The following FOLH1 variants were observed in gnomAD, a reference collection of about 807,000 sequenced individuals.
The protein encoded by FOLH1 is folate hydrolase 1.
A neutral mutation model predicts 93.9 loss-of-function variants in FOLH1; 54 were observed. That is an observed-to-expected ratio of 0.57 (90% CI 0.46 to 0.72). The LOEUF (loss-of-function observed/expected upper bound fraction) is 0.72. Ranked by LOEUF, FOLH1 falls within the 30% of genes least tolerant of loss-of-function variation. FOLH1 has a pLI of 0.00. For missense variants in FOLH1, 571 were observed against 892.5 expected, an observed-to-expected ratio of 0.64 and a Z score of 4.59; for synonymous variants, 249 against 303.6, an observed-to-expected ratio of 0.82 and a Z score of 1.87.
At chr11:49,198,811 G>T in intron 3 of FOLH1, among the ~76,000 whole-genome samples, 1 of 142,434 alleles carries the variant, frequency 7.0e-6, no homozygotes, top group Non-Finnish European at 1.5e-5. Flanking sequence ...GTGGAGTCTT[G>T]CTATGTTGTT....
chr11:49,162,539 C>T (rs1027597622), intron 13 of FOLH1, among the ~76,000 whole-genome samples: 1 of 152,182 alleles, frequency 6.6e-6, no homozygotes, highest in Non-Finnish European at 1.5e-5. Context: ...ACAACACGCT[C>T]CTTTACCTCA....
At position 49,186,855 on chromosome 11, in the gene FOLH1, G is replaced by A. The variant is rs1861443936; in HGVS notation, c.514-86C>T. On this transcript the variant is annotated intron_variant, in intron 4 of 18. Transcript: ENST00000256999. The stretch of plus-strand genomic sequence containing the variant: ...TGGGGACTGTTGGACATTTTTGAAA[G>A]AGGGAAGAGGTCAGAGCACACAGGA... The A allele has an allele frequency of 2.1e-6, 3 of 1,444,504 alleles. No individual in the cohort carries two copies. In the East Asian group the frequency reaches 7.3e-5, roughly 35 times the overall value. The allele number at this position is 1,444,504 out of a possible 1,614,324, so 89.5% of individuals were successfully genotyped here.
chr11:49,145,449 C>A lies in FOLH1; in HGVS notation c.*1307G>T, dbSNP rs537435357. On this transcript the variant is annotated 3_prime_UTR_variant, in exon 19 of 19. Coordinates refer to ENST00000256999, the MANE Select transcript of FOLH1 (RefSeq NM_004476.3). ...GTTCATGGTGGCCAGGAGAACCCAG[C>A]GGCCAAGAGCTTCTCCTGAAATTGT... Among the ~76,000 whole-genome samples the A allele has an allele frequency of 6.6e-6, 1 of 152,150 alleles. No individual in the cohort carries two copies. Among genetic ancestry groups the A allele is most frequent in the Admixed American group, 6.6e-5 (1 of 15,256 alleles).
At chr11:49,159,354 T>C (rs891505869) in intron 13 of FOLH1, among the ~76,000 whole-genome samples, 16 of 152,280 alleles carry the variant, frequency 1.1e-4, no homozygotes, top group Non-Finnish European at 1.5e-5. Context: ...TATTCAATGT[T>C]ATTGAAAGCT....
rs1164709842 is a variant in FOLH1, at chr11:49,145,184, A to G, written c.*1572T>C. Among the ~76,000 whole-genome samples the G allele has an allele frequency of 1.3e-5, 2 of 152,196 alleles. No homozygotes were observed. The highest frequency in any genetic ancestry group is 2.4e-5 in the African/African-American group (1 of 41,456). ...CTCCCACTTGATTGTCTTCATAAAT[A>G]GATCTGGGCCCATTAAATAGTTCTT... is the stretch of plus-strand genomic sequence containing the variant. On this transcript the variant is annotated 3_prime_UTR_variant, in exon 19 of 19. Coordinates refer to ENST00000256999, the MANE Select transcript of FOLH1 (RefSeq NM_004476.3).
intron 1 of FOLH1, 27 bp from the exon 2 acceptor site, chr11:49,206,199 T>C (rs1233266188): frequency 6.2e-7 from 1 of 1,610,278 alleles, no homozygotes; most frequent in Admixed American, 1.7e-5. Flanking sequence ...AAAATAGGCA[T>C]GAGATACGAG....
At chr11:49,149,860 G>A (rs1396871401) in intron 17 of FOLH1, among the ~76,000 whole-genome samples, 1 of 152,108 alleles carries the variant, frequency 6.6e-6, no homozygotes, top group African/African-American at 2.4e-5. Flanking sequence ...GAAAATAAAA[G>A]ATTTAATTTG....
chr11:49,205,291 T>C (rs536542401), intron 2 of FOLH1, among the ~76,000 whole-genome samples: 2 of 152,204 alleles, frequency 1.3e-5, no homozygotes, highest in African/African-American at 2.4e-5. Flanking sequence ...TATTTTCTTT[T>C]TGGTTGCTTT....
At chr11:49,190,317 A>G (rs1190761238) in intron 4 of FOLH1, among the ~76,000 whole-genome samples, 6 of 152,218 alleles carry the variant, frequency 3.9e-5, no homozygotes, top group African/African-American at 7.2e-5. Context: ...AGTGTGACAG[A>G]TATTCCCTCT....
chr11:49,192,293 T>A (rs1446023351), intron 4 of FOLH1, among the ~76,000 whole-genome samples: 1 of 152,084 alleles, frequency 6.6e-6, no homozygotes, highest in Non-Finnish European at 1.5e-5. Flanking sequence ...AGGCCCAAAG[T>A]GCAAAAACAT....
At chr11:49,182,758 T>C (rs1297290934) in intron 7 of FOLH1, among the ~76,000 whole-genome samples, 1 of 152,142 alleles carries the variant, frequency 6.6e-6, no homozygotes, top group East Asian at 1.9e-4. Context: ...GGCCAAAGTT[T>C]TGCATCAGAG....
At position 49,175,897 on chromosome 11, in the gene FOLH1, G is replaced by A. The variant is rs1185814034; in HGVS notation, c.981C>T (p.Tyr327=). The change falls in exon 8 of 19, where the codon TAC becomes TAT. Residue 327 remains tyrosine, a synonymous_variant. Coordinates refer to ENST00000256999, the MANE Select transcript of FOLH1 (RefSeq NM_004476.3). ...TTCCAGTAAAGCCAGGTCCAACATT[G>A]TAGGGCACTTTGAGACTTCCTCTCC... ...SSWRGSLKVP[Y]NVGPGFTGNF... 1 of 1,613,762 alleles carries A rather than the reference G, an allele frequency of 6.2e-7. No individual in the cohort carries two copies. Among genetic ancestry groups the A allele is most frequent in the South Asian group, 1.1e-5 (1 of 91,066 alleles).
intron 3 of FOLH1, among the ~76,000 whole-genome samples, chr11:49,196,549 T>C (rs889398839): frequency 1.3e-5 from 2 of 152,136 alleles, no homozygotes; most frequent in African/African-American, 4.8e-5. Flanking sequence ...ACATAATATA[T>C]ATCAATATAT....
chr11:49,180,503 A>G (rs533394102), intron 7 of FOLH1, among the ~76,000 whole-genome samples: 3 of 152,344 alleles, frequency 2.0e-5, no homozygotes, highest in East Asian at 1.9e-4. Context: ...TTCTTCGGCC[A>G]TTATATGACT....
chr11:49,193,443 T>G (rs1263138926), intron 3 of FOLH1, among the ~76,000 whole-genome samples: 2 of 152,184 alleles, frequency 1.3e-5, no homozygotes, highest in Admixed American at 1.3e-4. Context: ...AGAAAGATTT[T>G]AATCACCAAA....
chr11:49,203,740 G>C (rs529735291), intron 2 of FOLH1, among the ~76,000 whole-genome samples: 5 of 152,164 alleles, frequency 3.3e-5, no homozygotes, highest in African/African-American at 1.2e-4. Flanking sequence ...AGAAATAAAG[G>C]CATTTATTTT....
At chr11:49,205,768 T>C (rs1418676925) in intron 2 of FOLH1, among the ~76,000 whole-genome samples, 1 of 152,236 alleles carries the variant, frequency 6.6e-6, no homozygotes, top group African/African-American at 2.4e-5. Context: ...ACTGTTTATG[T>C]ATTTTCTATG....
At chr11:49,147,036 C>T in intron 18 of FOLH1, 91 bp from the exon 19 acceptor site, 1 of 1,368,420 alleles carries the variant, frequency 7.3e-7, no homozygotes, top group South Asian at 1.5e-5. Flanking sequence ...ATTGCATATT[C>T]CTATAACAAT....
intron 6 of FOLH1, among the ~76,000 whole-genome samples, chr11:49,185,330 G>A (rs1451385204): frequency 1.3e-5 from 2 of 152,048 alleles, no homozygotes; most frequent in Non-Finnish European, 2.9e-5. Context: ...CTTAGCGTAA[G>A]TATTCATACA....
Sources: allele counts gnomAD v4.1 joint callset (sites outside exome capture counted in the v4.1 genomes callset), GRCh38; gene constraint gnomAD v4.1.1; transcripts MANE v1.5; gene names NCBI Gene and HGNC (gene_info 2026-07-23, HGNC 2026-07-21).